LIMS1: variants seen among roughly 807,000 people sequenced by gnomAD.
LIMS1 encodes LIM and senescent cell antigen-like-containing domain protein 1.
In LIMS1, 18 loss-of-function variants were observed where a neutral mutation model predicts 44.1. The observed-to-expected ratio is 0.41, with a 90% CI of 0.28 to 0.61. The LOEUF (loss-of-function observed/expected upper bound fraction) is 0.61. Among genes scored for constraint, LIMS1 ranks in the 20% least tolerant of loss-of-function variants. The probability of loss-of-function intolerance (pLI) is 0.32; values close to 1 mark genes in which losing one functional copy is unlikely to be tolerated. For synonymous variants in LIMS1, 93 were observed against 149.1 expected, an observed-to-expected ratio of 0.62 and a Z score of 2.74; for missense variants, 201 against 422.0, an observed-to-expected ratio of 0.48 and a Z score of 4.59.
At chr2:108,548,078 AG>A (rs942440839) in intron 1 of LIMS1, among the ~76,000 whole-genome samples, 1 of 152,232 alleles carries the variant, frequency 6.6e-6, no homozygotes, top group Non-Finnish European at 1.5e-5. Flanking sequence ...AAATCTGGAA[AG>A]CTGTGTTCGC....
chr2:108,549,275 G>GTTTTTTT (rs1558782542), intron 1 of LIMS1, among the ~76,000 whole-genome samples: 1 of 86,492 alleles, frequency 1.2e-5, no homozygotes, highest in Non-Finnish European at 2.4e-5. Flanking sequence ...CAAGTAAAGT[G>GTTTTTTT]TTTCTTTTTT....
intron 1 of LIMS1, among the ~76,000 whole-genome samples, chr2:108,546,980 T>C (rs1349376763): frequency 6.6e-6 from 1 of 152,188 alleles, no homozygotes; most frequent in Non-Finnish European, 1.5e-5. Context: ...AAAAATGAAA[T>C]GGCTGATAGA....
intron 1 of LIMS1, among the ~76,000 whole-genome samples, chr2:108,606,334 A>C (rs1255622046): frequency 6.6e-6 from 1 of 152,250 alleles, no homozygotes; most frequent in East Asian, 1.9e-4. Context: ...GCTGAAGGTC[A>C]GACTTTACAT....
At chr2:108,620,825 TG>T (rs1236605245) in intron 1 of LIMS1, among the ~76,000 whole-genome samples, 1 of 152,170 alleles carries the variant, frequency 6.6e-6, no homozygotes, top group African/African-American at 2.4e-5. Flanking sequence ...GGAATTGGAC[TG>T]CTTCCCTTTA....
intron 1 of LIMS1, among the ~76,000 whole-genome samples, chr2:108,555,263 C>T (rs1016256193): frequency 6.6e-6 from 1 of 152,146 alleles, no homozygotes; most frequent in African/African-American, 2.4e-5. Flanking sequence ...AATAATGAAG[C>T]ATAGCTGTGA....
chr2:108,595,138 C>T (rs1054631100), intron 1 of LIMS1, among the ~76,000 whole-genome samples: 4 of 152,162 alleles, frequency 2.6e-5, no homozygotes, highest in Non-Finnish European at 4.4e-5. Context: ...TTTATCACCA[C>T]TGCCAGTCGT....
chr2:108,566,362 C>T (rs994011319), intron 1 of LIMS1, among the ~76,000 whole-genome samples: 1 of 152,138 alleles, frequency 6.6e-6, no homozygotes, highest in Non-Finnish European at 1.5e-5. Flanking sequence ...CTGTGAGTGT[C>T]TTCTATGTCA....
intron 1 of LIMS1, among the ~76,000 whole-genome samples, chr2:108,640,871 AC>A (rs775200677): frequency 6.6e-6 from 1 of 152,142 alleles, no homozygotes; most frequent in Non-Finnish European, 1.5e-5. Context: ...GTGCTGAGGA[AC>A]CCAAGAACTA....
chr2:108,607,804 A>C (rs918790925), intron 1 of LIMS1, among the ~76,000 whole-genome samples: 13 of 152,218 alleles, frequency 8.5e-5, no homozygotes, highest in Admixed American at 6.5e-4. Context: ...TTATGTATCA[A>C]GTAGGGGCTC....
At position 108,669,777 on chromosome 2, in the gene LIMS1, C is replaced by T. The variant is rs1558838882; in HGVS notation, c.193-1004C>T. ...AAATAGACCTAGAATTAATATTGAACCTGAGTCTTCTAGTGGAAAGCCATA... is the reference window on the plus strand; with the variant it reads ...AAATAGACCTAGAATTAATATTGAATCTGAGTCTTCTAGTGGAAAGCCATA... On this transcript the variant is annotated intron_variant, in intron 2 of 9. Transcript: ENST00000544547. 2.0e-5 allele frequency among the ~76,000 whole-genome samples: 3 copies of T among 151,120 alleles called. No homozygotes were observed. The South Asian group carries it at 6.2e-4, about 31-fold the overall frequency.
At chr2:108,611,595 C>G (rs1191320980) in intron 1 of LIMS1, among the ~76,000 whole-genome samples, 1 of 152,010 alleles carries the variant, frequency 6.6e-6, no homozygotes, top group Non-Finnish European at 1.5e-5. Flanking sequence ...AATATTGGCT[C>G]TAGGCTGGGT....
intron 1 of LIMS1, among the ~76,000 whole-genome samples, chr2:108,654,156 G>A (rs1423472726): frequency 1.3e-5 from 2 of 151,696 alleles, no homozygotes; most frequent in African/African-American, 4.8e-5. Context: ...TTTGCCTGAC[G>A]TAGTTTCCAG....
exon 1 of LIMS1, chr2:108,534,541 G>C: frequency 3.3e-6 from 4 of 1,208,070 alleles, no homozygotes; most frequent in African/African-American, 1.6e-5. Context: ...GCTGAGAGAC[G>C]GCGGCGGCCG....
chr2:108,543,596 A>G (rs1289499024), intron 1 of LIMS1, among the ~76,000 whole-genome samples: 1 of 152,198 alleles, frequency 6.6e-6, no homozygotes, highest in African/African-American at 2.4e-5. Context: ...AGACAAGGGT[A>G]ATCACCTCAG....
intron 1 of LIMS1, among the ~76,000 whole-genome samples, chr2:108,551,459 AGC>A (rs1232265621): frequency 1.4e-4 from 20 of 141,528 alleles, no homozygotes; most frequent in South Asian, 4.3e-4. Context: ...ATATATAGTT[AGC>A]ACACTCTATA....
chr2:108,537,560 C>T (rs1018345338), intron 1 of LIMS1, among the ~76,000 whole-genome samples: 2 of 152,230 alleles, frequency 1.3e-5, no homozygotes, highest in Non-Finnish European at 2.9e-5. Context: ...TGTATTCACA[C>T]TTTTCAGTGC....
At chr2:108,629,455 C>G (rs544119348) in intron 1 of LIMS1, among the ~76,000 whole-genome samples, 18 of 152,240 alleles carry the variant, frequency 1.2e-4, no homozygotes, top group African/African-American at 3.1e-4. Context: ...TGGATTATTT[C>G]AAAAAGCCAG....
intron 1 of LIMS1, among the ~76,000 whole-genome samples, chr2:108,577,776 ATAAAG>A (rs1012297459): frequency 6.6e-6 from 1 of 152,240 alleles, no homozygotes; most frequent in Non-Finnish European, 1.5e-5. Context: ...TGGGAACTTA[ATAAAG>A]TATTTTGGCT....
intron 1 of LIMS1, among the ~76,000 whole-genome samples, chr2:108,590,900 C>G (rs1432546053): frequency 3.9e-5 from 6 of 152,184 alleles, no homozygotes; most frequent in Admixed American, 6.5e-5. Flanking sequence ...CTCTTGTTCA[C>G]CTCTGTATTC....
Sources: gnomAD v4.1 joint callset for allele counts (sites outside exome capture counted in the v4.1 genomes callset) on GRCh38, gnomAD v4.1.1 for gene constraint, MANE v1.5 for transcripts, NCBI Gene and HGNC (gene_info 2026-07-23, HGNC 2026-07-21) for gene names.